Variants in AKT3 observed in about 807,000 individuals in gnomAD.
AKT3 encodes the protein RAC-gamma serine/threonine-protein kinase.
In AKT3, 15 loss-of-function variants were observed where a neutral mutation model predicts 65.3. The ratio of observed to expected loss-of-function variants is 0.23; its 90% confidence interval spans 0.15 to 0.35. AKT3 has a LOEUF of 0.35. AKT3 is among the 10% of genes least tolerant of loss of function. The pLI, the probability that AKT3 is intolerant of heterozygous loss-of-function variation, is 1.00. For missense variants in AKT3, 243 were observed against 576.5 expected (o/e 0.42, Z 5.92); for synonymous variants, 206 against 183.8 (o/e 1.12, Z -0.98).
chr1:243,524,077 C>T (rs959352972), intron 12 of AKT3, among the ~76,000 whole-genome samples: 2 of 152,216 alleles, frequency 1.3e-5, no homozygotes, highest in Admixed American at 6.5e-5. Context: ...GTACACGTTA[C>T]AGTGCTGAAT....
chr1:243,753,096 T>G (rs1004138871), intron 2 of AKT3, among the ~76,000 whole-genome samples: 7 of 152,186 alleles, frequency 4.6e-5, no homozygotes, highest in African/African-American at 1.7e-4. Flanking sequence ...TGTCCCATAT[T>G]TCAAAATTTA....
At chr1:243,696,194 C>T (rs114890233) in intron 2 of AKT3, among the ~76,000 whole-genome samples, 108 of 150,928 alleles carry the variant, frequency 7.2e-4, no homozygotes, top group African/African-American at 2.6e-3. Context: ...ATTAATAAAT[C>T]TTGACTGTAA....
chr1:243,522,477 G>C (rs1450431890), intron 12 of AKT3, among the ~76,000 whole-genome samples: 1 of 152,140 alleles, frequency 6.6e-6, no homozygotes, highest in Non-Finnish European at 1.5e-5. Flanking sequence ...GAGTAACATA[G>C]AGAGACTCCA....
rs189101899 is a variant in AKT3 at position 243,753,687 on chromosome 1, A to C, written c.47-57971T>G. ...CTAGGAGTTGTAACCATTTCATCAT[A>C]ATATATTCCTCATCAAGACTCTCCA... On this transcript the variant is annotated intron_variant, in intron 2 of 13. Coordinates refer to ENST00000673466, the MANE Select transcript of AKT3 (RefSeq NM_005465.7). 3.9e-5 allele frequency among the ~76,000 whole-genome samples: 6 copies of C among 152,302 alleles called. No individual in the cohort carries two copies. The East Asian group carries it at 1.2e-3, about 29-fold the overall frequency.
intron 3 of AKT3, among the ~76,000 whole-genome samples, chr1:243,667,662 G>C (rs1286731090): frequency 3.3e-5 from 5 of 152,136 alleles, no homozygotes; most frequent in Non-Finnish European, 7.4e-5. Context: ...ACAGCAGCCA[G>C]AAATCTTCTT....
chr1:243,674,646 A>C (rs955680610), intron 3 of AKT3, among the ~76,000 whole-genome samples: 1 of 152,190 alleles, frequency 6.6e-6, no homozygotes, highest in Non-Finnish European at 1.5e-5. Context: ...AAGGTAGTCT[A>C]ATACTCTGCT....
intron 2 of AKT3, among the ~76,000 whole-genome samples, chr1:243,827,230 G>A (rs903771073): frequency 6.6e-6 from 1 of 152,032 alleles, no homozygotes; most frequent in Admixed American, 6.6e-5. Context: ...AAGCATGTAA[G>A]ACTCAAAAAT....
intron 8 of AKT3, among the ~76,000 whole-genome samples, chr1:243,603,265 AGGTGCATACCTT>A (rs1235322150): frequency 6.6e-6 from 1 of 152,224 alleles, no homozygotes; most frequent in East Asian, 1.9e-4. Flanking sequence ...ACTACAGCCA[AGGTGCATACCTT>A]GTACCAAACC....
chr1:243,732,357 T>C (rs1010537247), intron 2 of AKT3, among the ~76,000 whole-genome samples: 3 of 152,142 alleles, frequency 2.0e-5, no homozygotes, highest in Non-Finnish European at 1.5e-5. Context: ...TTAAAAAGCT[T>C]CTCCACTCCC....
At chr1:243,572,808 GTGC>G (rs1291024471) in intron 9 of AKT3, 115 bp downstream of exon 9, 3 of 1,121,198 alleles carry the variant, frequency 2.7e-6, no homozygotes, top group Non-Finnish European at 3.6e-6. Flanking sequence ...TTTAAACATA[GTGC>G]TTTTTTCCCA....
intron 2 of AKT3, among the ~76,000 whole-genome samples, chr1:243,831,320 G>T (rs1157938538): frequency 6.6e-6 from 1 of 152,156 alleles, no homozygotes; most frequent in African/African-American, 2.4e-5. Flanking sequence ...CAAGGCAATA[G>T]AAAGTCATAA....
At chr1:243,684,361 T>C (rs987601015) in intron 3 of AKT3, among the ~76,000 whole-genome samples, 7 of 152,024 alleles carry the variant, frequency 4.6e-5, no homozygotes, top group African/African-American at 9.7e-5. Context: ...CCTGTGTCCC[T>C]GTGTTCTCAC....
chr1:243,727,836 T>C (rs373580901), intron 2 of AKT3, among the ~76,000 whole-genome samples: 5 of 152,148 alleles, frequency 3.3e-5, no homozygotes, highest in Admixed American at 1.3e-4. Context: ...ACTAAAAAAT[T>C]TGATATAATC....
chr1:243,573,995 T>C lies in AKT3; in HGVS notation c.697-947A>G, dbSNP rs145282183. On this transcript the variant is annotated intron_variant, in intron 8 of 13. Coordinates refer to ENST00000673466, the MANE Select transcript of AKT3 (RefSeq NM_005465.7). ...ATGCTCAGAACAATGAAAGATTGTTTACAGTGCTGAGTATATTGCCAGGTA... is the reference window on the plus strand; with the variant it reads ...ATGCTCAGAACAATGAAAGATTGTTCACAGTGCTGAGTATATTGCCAGGTA... 3.8e-3 allele frequency among the ~76,000 whole-genome samples: 581 copies of C among 152,282 alleles called. 4 individuals carry two copies. Among genetic ancestry groups the C allele is most frequent in the African/African-American group, 0.013 (551 of 41,560 alleles).
At chr1:243,687,296 CTG>C (rs1002598955) in intron 3 of AKT3, 21 of 152,072 alleles carry the variant, frequency 1.4e-4, no homozygotes, top group African/African-American at 4.6e-4. Context: ...AAAGTAAAGA[CTG>C]TAACTAAAAT....
chr1:243,613,106 T>TATAC (rs1558653614), intron 8 of AKT3: 1 of 142,718 alleles, frequency 7.0e-6, no homozygotes, highest in African/African-American at 2.6e-5. Flanking sequence ...CACACATATA[T>TATAC]ACCCACCCAT....
At chr1:243,714,085 T>A (rs893233216) in intron 2 of AKT3, among the ~76,000 whole-genome samples, 1 of 152,202 alleles carries the variant, frequency 6.6e-6, no homozygotes, top group South Asian at 2.1e-4. Flanking sequence ...AGAAGCTAAT[T>A]TGAAAACTTG....
intron 9 of AKT3, among the ~76,000 whole-genome samples, chr1:243,568,706 T>C (rs1674351961): frequency 6.6e-6 from 1 of 152,216 alleles, no homozygotes; most frequent in Admixed American, 6.5e-5. Context: ...AATACAATGC[T>C]TCCCAACCTT....
intron 8 of AKT3, among the ~76,000 whole-genome samples, chr1:243,576,137 C>A (rs1189764125): frequency 5.9e-5 from 9 of 152,072 alleles, no homozygotes; most frequent in Admixed American, 5.9e-4. Flanking sequence ...ACAAAAACCA[C>A]GTGATTATCT....
Sources: allele counts gnomAD v4.1 joint callset (sites outside exome capture counted in the v4.1 genomes callset), GRCh38; gene constraint gnomAD v4.1.1; transcripts MANE v1.5; gene names NCBI Gene and HGNC (gene_info 2026-07-23, HGNC 2026-07-21).